The following PRPF31 variants were observed in gnomAD, a reference collection of about 807,000 sequenced individuals.
PRPF31 encodes U4/U6 small nuclear ribonucleoprotein Prp31.
Under a neutral mutation model 60.4 loss-of-function variants are expected in PRPF31, and 12 were observed. The ratio of observed to expected loss-of-function variants is 0.20; its 90% confidence interval spans 0.13 to 0.32. PRPF31 has a LOEUF of 0.32. Ranked by LOEUF, PRPF31 falls within the 10% of genes least tolerant of loss-of-function variation. PRPF31 has a pLI of 1.00. For missense variants in PRPF31, 431 were observed against 687.1 expected, an observed-to-expected ratio of 0.63 and a Z score of 4.17; for synonymous variants, 287 against 287.9, an observed-to-expected ratio of 1.00 and a Z score of 0.03.
intron 1 of PRPF31, among the ~76,000 whole-genome samples, chr19:54,117,262 T>C (rs1316826878): frequency 6.6e-6 from 1 of 152,044 alleles, no homozygotes; most frequent in Non-Finnish European, 1.5e-5. Context: ...TAAAGCAGCT[T>C]TACTGATCAA....
At chr19:54,125,552 C>G (rs1440319123) in intron 8 of PRPF31, among the ~76,000 whole-genome samples, 1 of 151,742 alleles carries the variant, frequency 6.6e-6, no homozygotes, top group South Asian at 2.1e-4. Context: ...TGGGTCCAGA[C>G]CCTGCTCTGT....
chr19:54,124,616 G>A lies in PRPF31; in HGVS notation c.815G>A (p.Gly272Asp). 1 of 1,613,570 alleles carries A rather than the reference G, an allele frequency of 6.2e-7. No homozygotes were observed. Among genetic ancestry groups the A allele is most frequent in the Non-Finnish European group, 8.5e-7 (1 of 1,180,032 alleles). ...FSSTSVLPHTGYIYHSDIVQS... is the reference protein window; with the variant it reads ...FSSTSVLPHTDYIYHSDIVQS... The stretch of plus-strand genomic sequence containing the variant: ...TCTACCTCAGTGCTGCCCCACACCG[G>A]CTACATCTACCACAGTGACATCGTG... The change falls in exon 8 of 14, where the codon GGC becomes GAC. Residue 272 changes from glycine (G) to aspartate (D), a missense_variant. By Grantham distance (94) the Gly-to-Asp change is moderately conservative (BLOSUM62 -1). Transcript: ENST00000321030.
intron 13 of PRPF31, among the ~76,000 whole-genome samples, chr19:54,129,948 C>T (rs926923898): frequency 1.3e-5 from 2 of 152,114 alleles, no homozygotes; most frequent in Non-Finnish European, 2.9e-5. Context: ...TCAGTGTTCC[C>T]GGCTCTGGGG....
At chr19:54,121,089 C>T (rs1303094993) in intron 3 of PRPF31, among the ~76,000 whole-genome samples, 3 of 151,960 alleles carry the variant, frequency 2.0e-5, no homozygotes, top group South Asian at 2.1e-4. Flanking sequence ...GTCGGGAGTT[C>T]GAGACCAGCC....
intron 11 of PRPF31, among the ~76,000 whole-genome samples, 181 bp downstream of exon 11, chr19:54,128,558 G>T (rs1255569696): frequency 8.6e-6 from 1 of 116,380 alleles, no homozygotes; most frequent in Non-Finnish European, 1.7e-5. Flanking sequence ...AGCGACCCTC[G>T]CGACCCTTGG....
At chr19:54,125,123 T>G in intron 8 of PRPF31, 1 of 224,716 alleles carries the variant, frequency 4.5e-6, no homozygotes, top group South Asian at 6.1e-5. Flanking sequence ...GTCACCAACC[T>G]CGGAGCTTCC....
chr19:54,116,189 CCGCG>C (rs1406637090), intron 1 of PRPF31, among the ~76,000 whole-genome samples: 2 of 150,980 alleles, frequency 1.3e-5, no homozygotes, highest in Admixed American at 6.6e-5. Flanking sequence ...GCATGATCCA[CCGCG>C]CCTGGCCAGT....
In PRPF31 at chr19:54,123,778, G is replaced by A. The variant is rs776437225; in HGVS notation, c.557G>A (p.Arg186Gln). The A allele has an allele frequency of 1.8e-5, 29 of 1,610,824 alleles. No individual in the cohort carries two copies. Among genetic ancestry groups the A allele is most frequent in the Non-Finnish European group, 2.4e-5 (28 of 1,179,724 alleles). The change falls in exon 7 of 14, where the codon CGG becomes CAG. Residue 186 changes from arginine (R) to glutamine (Q), a missense_variant. Physicochemically the swap from Arg to Gln is conservative, Grantham distance 43. Coordinates refer to ENST00000321030, the MANE Select transcript of PRPF31 (RefSeq NM_015629.4). Reference protein sequence around the residue: ...GQQLSEEELERLEEACDMALE... With the variant: ...GQQLSEEELEQLEEACDMALE... The stretch of plus-strand genomic sequence containing the variant: ...CAGCTGTCGGAGGAGGAGCTGGAGC[G>A]GCTGGAGGAGGCCTGCGACATGGCG...
chr19:54,130,887 G>T (rs148899813), intron 13 of PRPF31, among the ~76,000 whole-genome samples: 5 of 152,068 alleles, frequency 3.3e-5, no homozygotes, highest in Non-Finnish European at 1.5e-5. Flanking sequence ...ACGGGGGCTC[G>T]CTCTGTTGCC....
Position 54,118,337 on chromosome 19 carries a change from G to A in PRPF31, c.59G>A (p.Gly20Glu), listed in dbSNP as rs1320738328. 1.2e-6 allele frequency: 2 copies of A among 1,613,882 alleles called. No individual in the cohort carries two copies. The highest frequency in any genetic ancestry group is 1.7e-6 in the Non-Finnish European group (2 of 1,180,022). Residue 20 changes from glycine (G) to glutamate (E), a missense_variant, in exon 2 of 14, where the codon GGA becomes GAA. Around this residue, in one of 4 missense-constraint regions of PRPF31, gnomAD observed 113 missense variants for 173.8 expected, o/e 0.65. Transcript: ENST00000321030. The stretch of plus-strand genomic sequence containing the variant: ...GAAGAGGCAGCAGAAGAGGAGGAAG[G>A]AGGAAGCTATGGGGAGGAAGAAGAG... Reference protein sequence around the residue: ...DLEEAAEEEEGGSYGEEEEEP... With the variant: ...DLEEAAEEEEEGSYGEEEEEP...
intron 3 of PRPF31, among the ~76,000 whole-genome samples, chr19:54,119,250 C>T (rs2073728045): frequency 3.3e-5 from 5 of 151,646 alleles, no homozygotes; most frequent in African/African-American, 1.2e-4. Context: ...GGCGTGGTGG[C>T]GGGTGCCTGT....
intron 3 of PRPF31, chr19:54,119,555 G>A (rs587762147): frequency 6.6e-6 from 1 of 151,048 alleles, no homozygotes; most frequent in East Asian, 2.0e-4. Context: ...GGAGTGCAGT[G>A]ATGTGTTCTT....
At position 54,128,215 on chromosome 19, in the gene PRPF31, G is replaced by A. The variant is rs1339830653; in HGVS notation, c.1073+15G>A. ...GGCGGCCGCAGGTGAGGGGCCCTGG[G>A]GGTCCGGTAGGCATGGGGGTCATGG... On this transcript the variant is annotated intron_variant, in intron 10 of 13. Coordinates refer to ENST00000321030, the MANE Select transcript of PRPF31 (RefSeq NM_015629.4). The A allele has an allele frequency of 1.3e-6, 2 of 1,569,370 alleles. No individual in the cohort carries two copies. Among genetic ancestry groups the A allele is most frequent in the South Asian group, 1.2e-5 (1 of 85,418 alleles).
At chr19:54,118,731 G>A in intron 3 of PRPF31, 98 bp downstream of exon 3, 1 of 1,207,068 alleles carries the variant, frequency 8.3e-7, no homozygotes. Context: ...CTCCTTCTCA[G>A]CCTTTTCCAG....
chr19:54,128,999 G>A (rs1340429721), intron 11 of PRPF31, 58 bp from the exon 12 acceptor site: 152 of 1,521,694 alleles, frequency 1.0e-4, no homozygotes, highest in Non-Finnish European at 1.2e-4. Context: ...GGGGTGCCTC[G>A]GTGGCTGGAG....
At chr19:54,120,415 T>C (rs916812698) in intron 3 of PRPF31, 6 of 152,078 alleles carry the variant, frequency 3.9e-5, no homozygotes, top group African/African-American at 1.4e-4. Flanking sequence ...AGAGGAGGCG[T>C]CTGATCCTTC....
rs201851772 is a variant in PRPF31, at chr19:54,129,387, G to A, written c.1374+17G>A. On this transcript the variant is annotated intron_variant, in intron 13 of 13. Coordinates refer to ENST00000321030, the MANE Select transcript of PRPF31 (RefSeq NM_015629.4). ...CCACTCCAGGTACCTCCCCTGGGCC[G>A]GCTCTGTCCCCAGCCCTGAGACCTT... 1.5e-4 allele frequency: 238 copies of A among 1,576,280 alleles called. 1 individual carries two copies. The highest frequency in any genetic ancestry group is 1.7e-4 in the Non-Finnish European group (199 of 1,162,584).
intron 12 of PRPF31, 22 bp downstream of exon 12, chr19:54,129,207 G>T: frequency 1.3e-6 from 2 of 1,594,962 alleles, no homozygotes; most frequent in Non-Finnish European, 1.7e-6. Flanking sequence ...ACCCAGGTGG[G>T]GCTGGGGACC....
chr19:54,128,914 C>T (rs587751416), intron 11 of PRPF31, 143 bp from the exon 12 acceptor site: 13 of 861,704 alleles, frequency 1.5e-5, no homozygotes, highest in African/African-American at 1.2e-4. Context: ...AGGCCTCAGC[C>T]GGGCCGAGTG....
Sources: gnomAD v4.1 joint callset for allele counts (sites outside exome capture counted in the v4.1 genomes callset) on GRCh38, gnomAD v4.1.1 for gene constraint, gnomAD v4.1.1 regional missense constraint, MANE v1.5 for transcripts, NCBI Gene and HGNC (gene_info 2026-07-23, HGNC 2026-07-21) for gene names.